The following ROBO1 variants were observed in gnomAD, a reference collection of about 807,000 sequenced individuals.
ROBO1 encodes roundabout homolog 1.
In ROBO1, 149 loss-of-function variants were observed where a neutral mutation model predicts 195.9. The observed-to-expected ratio is 0.76, with a 90% CI of 0.67 to 0.87. ROBO1 has a LOEUF of 0.87. Among genes scored for constraint, ROBO1 ranks in the 40% least tolerant of loss-of-function variants. The probability of loss-of-function intolerance (pLI) is 0.00; values close to 1 mark genes in which losing one functional copy is unlikely to be tolerated. For missense variants in ROBO1, 1,933 were observed against 2,068.3 expected, an observed-to-expected ratio of 0.93 and a Z score of 1.27; for synonymous variants, 816 against 733.2, an observed-to-expected ratio of 1.11 and a Z score of -1.82.
At chr3:79,616,917 C>T (rs1944841928) in intron 1 of ROBO1, among the ~76,000 whole-genome samples, 1 of 152,198 alleles carries the variant, frequency 6.6e-6, no homozygotes, top group South Asian at 2.1e-4. Flanking sequence ...AGACCAGCCA[C>T]AGAGCTGTCT....
chr3:78,889,313 G>A (rs945025937), intron 4 of ROBO1, among the ~76,000 whole-genome samples: 1 of 152,148 alleles, frequency 6.6e-6, no homozygotes, highest in Non-Finnish European at 1.5e-5. Context: ...AACATGTCAG[G>A]GGAACCCTAG....
intron 2 of ROBO1, among the ~76,000 whole-genome samples, chr3:79,236,364 A>G (rs1160227116): frequency 1.3e-5 from 2 of 152,126 alleles, no homozygotes; most frequent in African/African-American, 2.4e-5. Context: ...ATGTGTGCCA[A>G]TTACCAATGG....
chr3:79,028,995 A>G (rs2078249227), intron 3 of ROBO1, among the ~76,000 whole-genome samples: 2 of 152,076 alleles, frequency 1.3e-5, no homozygotes, highest in Admixed American at 6.5e-5. Flanking sequence ...ACTGAAGCAC[A>G]ATTCATTATT....
intron 3 of ROBO1, among the ~76,000 whole-genome samples, chr3:78,992,264 G>T (rs549680784): frequency 1.3e-5 from 2 of 152,022 alleles, no homozygotes; most frequent in African/African-American, 2.4e-5. Context: ...TCCTGGTGTA[G>T]ATATCATCTC....
chr3:79,165,900 G>T (rs181195480), intron 2 of ROBO1, among the ~76,000 whole-genome samples: 1 of 152,346 alleles, frequency 6.6e-6, no homozygotes, highest in East Asian at 1.9e-4. Flanking sequence ...GATAATGTGA[G>T]TGGGCCTGAT....
intron 3 of ROBO1, among the ~76,000 whole-genome samples, chr3:79,038,812 C>T (rs919327576): frequency 2.0e-5 from 3 of 151,908 alleles, no homozygotes; most frequent in Non-Finnish European, 4.4e-5. Flanking sequence ...TCAAATTCTA[C>T]ATTTCCAACT....
intron 2 of ROBO1, among the ~76,000 whole-genome samples, chr3:79,146,035 A>G (rs1328152206): frequency 2.8e-5 from 2 of 71,330 alleles, no homozygotes; most frequent in Non-Finnish European, 5.4e-5. Context: ...AAGATAAAGA[A>G]AGCAAAAAAA....
In ROBO1 at chr3:79,490,943, C is replaced by A. The variant is rs140936179; in HGVS notation, c.88+98881G>T. On this transcript the variant is annotated intron_variant, in intron 2 of 30. Coordinates refer to ENST00000464233, the MANE Select transcript of ROBO1 (RefSeq NM_002941.4). ...TAAACTCCCAGTCCTCTTCCCTCCC[C>A]CTTCCCTTCTCTCTCTCCCTGGATC... 4.5e-3 allele frequency among the ~76,000 whole-genome samples: 681 copies of A among 152,204 alleles called. 6 individuals are homozygous for A. Among genetic ancestry groups the A allele is most frequent in the African/African-American group, 0.016 (650 of 41,524 alleles).
chr3:78,678,363 T>C (rs1708569247), intron 10 of ROBO1, among the ~76,000 whole-genome samples: 2 of 151,830 alleles, frequency 1.3e-5, no homozygotes, highest in South Asian at 2.1e-4. Context: ...AAAAAACCCT[T>C]CAAAAAATTA....
intron 20 of ROBO1, among the ~76,000 whole-genome samples, chr3:78,646,608 G>GAAA (rs35671439): frequency 3.4e-5 from 5 of 146,192 alleles, no homozygotes; most frequent in African/African-American, 5.0e-5. Flanking sequence ...TTAAACTCAG[G>GAAA]AAAAAAAAAA....
At chr3:79,550,097 C>T (rs1180441626) in intron 2 of ROBO1, among the ~76,000 whole-genome samples, 1 of 149,864 alleles carries the variant, frequency 6.7e-6, no homozygotes, top group African/African-American at 2.5e-5. Flanking sequence ...TGTACTCCAG[C>T]CTGGGTGACA....
intron 5 of ROBO1, among the ~76,000 whole-genome samples, chr3:78,736,146 A>G (rs2082386895): frequency 6.6e-6 from 1 of 152,216 alleles, no homozygotes. Context: ...AGAGTAAGAT[A>G]AGAAATACGT....
intron 2 of ROBO1, among the ~76,000 whole-genome samples, chr3:79,278,985 A>G (rs1402742617): frequency 6.6e-6 from 1 of 152,140 alleles, no homozygotes; most frequent in Non-Finnish European, 1.5e-5. Flanking sequence ...CAAACATTTC[A>G]GCAGATAAAA....
chr3:78,752,877 T>C (rs1366779602), intron 4 of ROBO1, among the ~76,000 whole-genome samples: 1 of 152,154 alleles, frequency 6.6e-6, no homozygotes, highest in Non-Finnish European at 1.5e-5. Context: ...ACAATAAGTA[T>C]GTCTTCTACT....
At chr3:78,669,891 C>T (rs1707962542) in intron 11 of ROBO1, among the ~76,000 whole-genome samples, 1 of 152,058 alleles carries the variant, frequency 6.6e-6, no homozygotes, top group Non-Finnish European at 1.5e-5. Flanking sequence ...CCTTAAATTA[C>T]CTGCCATGGA....
At chr3:78,987,223 G>T (rs1006529034) in intron 3 of ROBO1, among the ~76,000 whole-genome samples, 1 of 150,736 alleles carries the variant, frequency 6.6e-6, no homozygotes, top group African/African-American at 2.4e-5. Context: ...GAAAGAGTAA[G>T]ATATTTAGAA....
intron 1 of ROBO1, among the ~76,000 whole-genome samples, chr3:79,663,590 C>T (rs1946392653): frequency 6.6e-6 from 1 of 152,036 alleles, no homozygotes; most frequent in Admixed American, 6.6e-5. Context: ...TCAAGGGATT[C>T]TCCTGCCTCA....
At position 78,746,827 on chromosome 3, in the gene ROBO1, G is replaced by A; in HGVS notation, c.573C>T (p.Cys191=). 1 of 1,603,142 alleles carries A rather than the reference G, an allele frequency of 6.2e-7. No individual in the cohort carries two copies. The highest frequency in any genetic ancestry group is 8.5e-7 in the Non-Finnish European group (1 of 1,172,230). The change falls in exon 5 of 31, where the codon TGC becomes TGT. Residue 191 remains cysteine, a synonymous_variant. Coordinates refer to ENST00000464233, the MANE Select transcript of ROBO1 (RefSeq NM_002941.4). ...GCTCAGGATGGCCTCGTGGAGGTTGGCATTCCATTACTGCAGGCTCTCCTA... is the reference window on the plus strand; with the variant it reads ...GCTCAGGATGGCCTCGTGGAGGTTGACATTCCATTACTGCAGGCTCTCCTA... ...VAVGEPAVME[C]QPPRGHPEPT...
intron 2 of ROBO1, among the ~76,000 whole-genome samples, chr3:79,419,489 C>T (rs1339917365): frequency 6.6e-6 from 1 of 152,100 alleles, no homozygotes; most frequent in Non-Finnish European, 1.5e-5. Flanking sequence ...GTGGTGATAG[C>T]TCAGCTTGTG....
Sources: allele counts gnomAD v4.1 joint callset (sites outside exome capture counted in the v4.1 genomes callset), GRCh38; gene constraint gnomAD v4.1.1; transcripts MANE v1.5; gene names NCBI Gene and HGNC (gene_info 2026-07-23, HGNC 2026-07-21).